The following OXR1 variants were observed in gnomAD, a reference collection of about 807,000 sequenced individuals.
The protein encoded by OXR1 is oxidation resistance 1.
A neutral mutation model predicts 104.6 loss-of-function variants in OXR1; 41 were observed. That is an observed-to-expected ratio of 0.39 (90% CI 0.31 to 0.51). OXR1 has a LOEUF of 0.51. OXR1 is among the 20% of genes least tolerant of loss of function. OXR1 has a pLI of 0.77. For synonymous variants in OXR1, 348 were observed against 348.4 expected (o/e 1.00, Z 0.01); for missense variants, 955 against 1,031.9 (o/e 0.93, Z 1.02).
intron 3 of OXR1, among the ~76,000 whole-genome samples, chr8:106,646,359 C>G (rs183166678): frequency 6.6e-6 from 1 of 152,180 alleles, no homozygotes; most frequent in Admixed American, 6.5e-5. Flanking sequence ...CTGCTCACCT[C>G]AGATTCCCAA....
At chr8:106,648,115 A>G (rs983064192) in intron 3 of OXR1, among the ~76,000 whole-genome samples, 2 of 152,248 alleles carry the variant, frequency 1.3e-5, no homozygotes, top group Non-Finnish European at 2.9e-5. Flanking sequence ...GGCTACTCAT[A>G]ATAGTTTTAG....
At chr8:106,583,675 G>C (rs1411775677) in intron 3 of OXR1, among the ~76,000 whole-genome samples, 1 of 152,160 alleles carries the variant, frequency 6.6e-6, no homozygotes, top group East Asian at 1.9e-4. Context: ...CTAACAGTGG[G>C]AATAACTGAG....
rs181064086 is a variant in OXR1 at position 106,379,541 on chromosome 8, T to C, written c.23+19905T>C. ...TTTTTACTTTTTTCTTTCTTTCTTT[T>C]TTTTTTTTTTTTTTTGAGACAGAGT... is the stretch of plus-strand genomic sequence containing the variant. On this transcript the variant is annotated intron_variant, in intron 2 of 16. Transcript: ENST00000517566. Among the ~76,000 whole-genome samples the C allele has an allele frequency of 8.0e-3, 1,109 of 138,030 alleles. 7 individuals carry two copies. Among genetic ancestry groups the C allele is most frequent in the African/African-American group, 0.029 (1,003 of 34,328 alleles). The allele number at this position is 138,030 out of a possible 152,430, so 90.6% of individuals were successfully genotyped here.
Position 106,750,654 on chromosome 8 carries a change from G to C in OXR1, c.2487-152G>C, listed in dbSNP as rs547107295. 108 of 568,042 alleles carry C rather than the reference G, an allele frequency of 1.9e-4. 1 individual carries two copies. In the South Asian group the frequency reaches 2.9e-3, roughly 15 times the overall value. 35.2% of individuals were successfully genotyped at this position (568,042 alleles called of 1,614,324 possible). A position where few individuals can be genotyped will look rare whatever the true frequency, so the allele number is the denominator to read the frequency against. ...CCATAAATAATTTTTTAATGGAATA[G>C]GAGTAAAACAAAATTGTGTCAGTGT... is the stretch of plus-strand genomic sequence containing the variant. On this transcript the variant is annotated intron_variant, in intron 16 of 16. Coordinates refer to ENST00000517566, the MANE Select transcript of OXR1 (RefSeq NM_001198533.2).
In OXR1 at chr8:106,745,831, G is replaced by C; in HGVS notation, c.2455G>C (p.Asp819His). ...AGATAATATGTTTTTTATCAAAGGA[G>C]ACATGGATTCACTAGCTTTCGGTGG... ...TGDNMFFIKG[D>H]MDSLAFGGGG... is the part of the protein sequence containing the mutation. The change falls in exon 16 of 17, where the codon GAC (aspartate) becomes CAC (histidine). Residue 819 changes from aspartate to histidine, a missense_variant. This residue lies in a region of OXR1 where 106 missense variants were observed against 179.0 expected (regional missense o/e 0.59). Transcript: ENST00000517566. 1 of 1,592,906 alleles carries C rather than the reference G, an allele frequency of 6.3e-7. No homozygotes were observed.
rs139751007 is a variant in OXR1, at chr8:106,438,833, C to A, written c.23+79197C>A. Among the ~76,000 whole-genome samples, 9 of 152,210 alleles carry A rather than the reference C, an allele frequency of 5.9e-5. No individual in the cohort carries two copies. In the East Asian group the frequency reaches 1.7e-3, roughly 29 times the overall value. On this transcript the variant is annotated intron_variant, in intron 2 of 16. Transcript: ENST00000517566. ...GAATTAGATTAGCACTACTCCGCTT[C>A]CCATAATTTACTAGCCTTATGACCT... is the stretch of plus-strand genomic sequence containing the variant.
intron 2 of OXR1, among the ~76,000 whole-genome samples, chr8:106,412,058 T>G (rs1179934685): frequency 1.3e-5 from 2 of 152,138 alleles, no homozygotes; most frequent in African/African-American, 4.8e-5. Context: ...AATGTGAAAG[T>G]TCTTAGTACA....
intron 9 of OXR1, among the ~76,000 whole-genome samples, chr8:106,708,431 T>G (rs1043161528): frequency 2.6e-5 from 4 of 152,028 alleles, no homozygotes; most frequent in African/African-American, 9.7e-5. Context: ...AACCAGTAAC[T>G]TGCTTTTCTC....
At chr8:106,715,172 A>G (rs1832110522) in intron 11 of OXR1, among the ~76,000 whole-genome samples, 1 of 152,088 alleles carries the variant, frequency 6.6e-6, no homozygotes, top group African/African-American at 2.4e-5. Context: ...GATGAATTTT[A>G]CAAATAATAT....
At chr8:106,343,897 T>A (rs1333247486) in intron 1 of OXR1, among the ~76,000 whole-genome samples, 1 of 152,228 alleles carries the variant, frequency 6.6e-6, no homozygotes, top group African/African-American at 2.4e-5. Flanking sequence ...TTAGGTAGTT[T>A]AACTAAGTTA....
At chr8:106,396,524 G>C (rs568448430) in intron 2 of OXR1, among the ~76,000 whole-genome samples, 1 of 152,136 alleles carries the variant, frequency 6.6e-6, no homozygotes, top group African/African-American at 2.4e-5. Flanking sequence ...AACTGTCAAG[G>C]TAATACAAAA....
chr8:106,391,850 G>C (rs1817597920), intron 2 of OXR1, among the ~76,000 whole-genome samples: 1 of 152,120 alleles, frequency 6.6e-6, no homozygotes, highest in Admixed American at 6.6e-5. Flanking sequence ...GGCATCTGCA[G>C]ATCTGTAATC....
chr8:106,370,005 C>T (rs1008969347), intron 2 of OXR1, among the ~76,000 whole-genome samples: 8 of 152,154 alleles, frequency 5.3e-5, no homozygotes, highest in South Asian at 2.1e-4. Context: ...GCCATTTTCA[C>T]GACATTGATT....
intron 1 of OXR1, among the ~76,000 whole-genome samples, chr8:106,285,397 T>A (rs1362528983): frequency 6.6e-6 from 1 of 152,184 alleles, no homozygotes; most frequent in Non-Finnish European, 1.5e-5. Flanking sequence ...CCAGTGGGGA[T>A]TAATTACTTG....
chr8:106,710,190 A>G (rs181078050), intron 9 of OXR1, among the ~76,000 whole-genome samples: 12 of 152,264 alleles, frequency 7.9e-5, no homozygotes, highest in Admixed American at 6.5e-4. Flanking sequence ...AAACTTCATT[A>G]AATTTTTGTC....
chr8:106,750,786 T>C lies in OXR1; in HGVS notation c.2487-20T>C. ...AACTTAAGGCATAAATATTAACAGATTATTATTTATGTATTGCAGAGGAGA... is the reference window on the plus strand; with the variant it reads ...AACTTAAGGCATAAATATTAACAGACTATTATTTATGTATTGCAGAGGAGA... On this transcript the variant is annotated intron_variant, in intron 16 of 16. Transcript: ENST00000517566. 1 of 1,545,356 alleles carries C rather than the reference T, an allele frequency of 6.5e-7. No homozygotes were observed. Among genetic ancestry groups the C allele is most frequent in the Non-Finnish European group, 8.8e-7 (1 of 1,137,602 alleles).
At chr8:106,644,598 T>C (rs1007179128) in intron 3 of OXR1, among the ~76,000 whole-genome samples, 2 of 152,208 alleles carry the variant, frequency 1.3e-5, no homozygotes, top group Non-Finnish European at 2.9e-5. Context: ...TACCGTCCTG[T>C]GCACATCATA....
intron 3 of OXR1, among the ~76,000 whole-genome samples, chr8:106,567,705 A>G (rs374179478): frequency 5.4e-4 from 83 of 152,334 alleles, no homozygotes; most frequent in African/African-American, 1.8e-3. Context: ...GTTTTCAGGA[A>G]GAGTTGATAA....
intron 3 of OXR1, among the ~76,000 whole-genome samples, chr8:106,603,251 A>G (rs1422565054): frequency 2.6e-5 from 4 of 152,200 alleles, no homozygotes; most frequent in African/African-American, 9.6e-5. Context: ...CTGTGATAAC[A>G]TGGGTATTAC....
Sources: allele counts gnomAD v4.1 joint callset (sites outside exome capture counted in the v4.1 genomes callset), GRCh38; gene constraint gnomAD v4.1.1; regional missense constraint gnomAD v4.1.1; transcripts MANE v1.5; gene names NCBI Gene and HGNC (gene_info 2026-07-23, HGNC 2026-07-21).